Variants in PTPRM observed in about 807,000 individuals in gnomAD.
The protein encoded by PTPRM is protein tyrosine phosphatase receptor type M, also known as receptor-type tyrosine-protein phosphatase mu.
Under a neutral mutation model 186.7 loss-of-function variants are expected in PTPRM, and 47 were observed. The observed-to-expected ratio is 0.25, with a 90% CI of 0.20 to 0.32. PTPRM has a LOEUF of 0.32. PTPRM is among the 10% of genes least tolerant of loss of function. The pLI, the probability that PTPRM is intolerant of heterozygous loss-of-function variation, is 1.00. For synonymous variants in PTPRM, 668 were observed against 674.9 expected, an observed-to-expected ratio of 0.99 and a Z score of 0.16; for missense variants, 1,494 against 1,865.0, an observed-to-expected ratio of 0.80 and a Z score of 3.66.
chr18:7,845,856 T>C (rs1031965634), intron 2 of PTPRM, among the ~76,000 whole-genome samples: 3 of 151,968 alleles, frequency 2.0e-5, no homozygotes, highest in Non-Finnish European at 4.4e-5. Flanking sequence ...CTCTTAAGGG[T>C]TGCTCTTGGG....
intron 8 of PTPRM, among the ~76,000 whole-genome samples, chr18:8,075,653 G>A (rs1235414967): frequency 6.6e-6 from 1 of 151,950 alleles, no homozygotes; most frequent in Non-Finnish European, 1.5e-5. Flanking sequence ...TTATAAGAAG[G>A]TGTTATGTAT....
Position 8,376,136 on chromosome 18 carries a change from G to A in PTPRM, c.3262G>A (p.Gly1088Arg). The change falls in exon 25 of 33, where the codon GGA becomes AGA. Residue 1088 changes from glycine to arginine, a missense_variant. Coordinates refer to ENST00000580170, the MANE Select transcript of PTPRM (RefSeq NM_001105244.2). ...CCCCTACCATGCCACCGGCCTGCTG[G>A]GATTCGTGCGGCAAGTCAAGTCCAA... is the stretch of plus-strand genomic sequence containing the variant. ...GVPYHATGLL[G>R]FVRQVKSKSP... 6.2e-7 allele frequency: 1 copy of A among 1,613,954 alleles called. No homozygotes were observed. The highest frequency in any genetic ancestry group is 8.5e-7 in the Non-Finnish European group (1 of 1,180,022).
intron 14 of PTPRM, among the ~76,000 whole-genome samples, chr18:8,188,511 C>G (rs1224321247): frequency 6.6e-6 from 1 of 152,142 alleles, no homozygotes; most frequent in Non-Finnish European, 1.5e-5. Flanking sequence ...AATACTAGCC[C>G]CACACCGTGA....
rs1320770519 is a variant in PTPRM, at chr18:8,384,616, T to C, written c.3974T>C (p.Val1325Ala). The C allele has an allele frequency of 4.3e-6, 7 of 1,614,032 alleles. No individual in the cohort carries two copies. The highest frequency in any genetic ancestry group is 5.9e-6 in the Non-Finnish European group (7 of 1,179,980). ...GTACACAGACACGGCCCCATCCAGG[T>C]GGAATTTGTCTCTGCTGACCTGGAA... ...NGVHRHGPIQVEFVSADLEED... is the reference protein window; with the variant it reads ...NGVHRHGPIQAEFVSADLEED... The change falls in exon 30 of 33, where the codon GTG (valine) becomes GCG (alanine). Residue 1325 changes from valine (V) to alanine (A), a missense_variant. Physicochemically the swap from Val to Ala is moderately conservative, Grantham distance 64. This residue lies in a region of PTPRM where 1,107 missense variants were observed against 1,350.2 expected (regional missense o/e 0.82). Coordinates refer to ENST00000580170, the MANE Select transcript of PTPRM (RefSeq NM_001105244.2).
intron 2 of PTPRM, among the ~76,000 whole-genome samples, chr18:7,886,839 A>G (rs960720567): frequency 1.3e-5 from 2 of 152,222 alleles, no homozygotes; most frequent in Non-Finnish European, 2.9e-5. Context: ...TCGGTGAAGG[A>G]TATCTACATC....
intron 2 of PTPRM, among the ~76,000 whole-genome samples, chr18:7,853,368 A>T (rs1159477404): frequency 6.6e-6 from 1 of 152,186 alleles, no homozygotes; most frequent in Non-Finnish European, 1.5e-5. Flanking sequence ...TCCCTTTTGC[A>T]GGTGGAGTTG....
At chr18:8,338,925 T>C (rs901035895) in intron 22 of PTPRM, among the ~76,000 whole-genome samples, 2 of 152,170 alleles carry the variant, frequency 1.3e-5, no homozygotes, top group African/African-American at 4.8e-5. Context: ...GTACAAGTCA[T>C]CAAGGTTTGA....
intron 14 of PTPRM, among the ~76,000 whole-genome samples, chr18:8,167,870 A>G (rs1458114390): frequency 1.3e-5 from 2 of 152,192 alleles, no homozygotes; most frequent in East Asian, 3.9e-4. Flanking sequence ...TGATGCTGAG[A>G]TAAGTATTAT....
At chr18:7,885,414 T>C (rs2048734060) in intron 2 of PTPRM, among the ~76,000 whole-genome samples, 1 of 152,180 alleles carries the variant, frequency 6.6e-6, no homozygotes, top group Non-Finnish European at 1.5e-5. Context: ...TGAGGAAAGA[T>C]CCACTTCTGT....
At chr18:7,648,521 G>A (rs551243575) in intron 1 of PTPRM, among the ~76,000 whole-genome samples, 73 of 152,200 alleles carry the variant, frequency 4.8e-4, no homozygotes, top group Non-Finnish European at 9.8e-4. Flanking sequence ...CAGAGGAAAA[G>A]TTCTTGAAGG....
intron 1 of PTPRM, among the ~76,000 whole-genome samples, chr18:7,677,935 G>A (rs1313180269): frequency 6.6e-6 from 1 of 152,048 alleles, no homozygotes; most frequent in Admixed American, 6.6e-5. Flanking sequence ...TGCCCTAGGT[G>A]GAATGTTAGG....
chr18:7,992,960 A>T (rs572986709), intron 7 of PTPRM, among the ~76,000 whole-genome samples: 1 of 152,128 alleles, frequency 6.6e-6, no homozygotes, highest in South Asian at 2.1e-4. Context: ...ATCAAAGAAT[A>T]CATATTTACA....
At chr18:7,597,813 C>T (rs1257774793) in intron 1 of PTPRM, among the ~76,000 whole-genome samples, 6 of 152,158 alleles carry the variant, frequency 3.9e-5, no homozygotes, top group South Asian at 2.1e-4. Context: ...AGAAACCACA[C>T]TATTTGAAAG....
At chr18:8,011,791 T>G (rs145715607) in intron 7 of PTPRM, among the ~76,000 whole-genome samples, 12 of 152,342 alleles carry the variant, frequency 7.9e-5, no homozygotes, top group African/African-American at 2.6e-4. Flanking sequence ...GGTATCATGT[T>G]TATAACACAG....
intron 9 of PTPRM, among the ~76,000 whole-genome samples, chr18:8,078,924 A>G (rs1022170263): frequency 2.0e-5 from 3 of 152,208 alleles, no homozygotes; most frequent in Admixed American, 1.3e-4. Flanking sequence ...GGTTCTGCCC[A>G]CATGACCCAA....
intron 1 of PTPRM, among the ~76,000 whole-genome samples, chr18:7,712,166 C>G (rs1438539528): frequency 1.3e-5 from 2 of 152,160 alleles, no homozygotes; most frequent in African/African-American, 4.8e-5. Context: ...GAGGAAGAAA[C>G]AGGCAGCTAT....
chr18:8,199,730 A>G (rs1163993946), intron 14 of PTPRM, among the ~76,000 whole-genome samples: 1 of 152,148 alleles, frequency 6.6e-6, no homozygotes, highest in East Asian at 1.9e-4. Flanking sequence ...AAATCCTACA[A>G]ATTCTCCCTG....
intron 2 of PTPRM, among the ~76,000 whole-genome samples, chr18:7,875,571 G>A (rs1469693183): frequency 6.6e-6 from 1 of 152,062 alleles, no homozygotes; most frequent in Admixed American, 6.5e-5. Flanking sequence ...TGATCTGCCT[G>A]CCTCGACTTC....
Position 8,244,137 on chromosome 18 carries a change from A to G in PTPRM, c.2380A>G (p.Ser794Gly). Residue 794 changes from serine (S) to glycine (G), a missense_variant, in exon 15 of 33, where the codon AGC becomes GGC. Ser to Gly is a moderately conservative substitution (Grantham distance 56). Around this residue, in one of 3 missense-constraint regions of PTPRM, gnomAD observed 1,107 missense variants for 1,350.2 expected, o/e 0.82. Coordinates refer to ENST00000580170, the MANE Select transcript of PTPRM (RefSeq NM_001105244.2). ...MTVMVNSMDKSYAEQGTNCDE... is the reference protein window; with the variant it reads ...MTVMVNSMDKGYAEQGTNCDE... ...TGTGATGGTGAACTCAATGGACAAG[A>G]GCTATGCTGAGCAGGGCACAAACTG... 1 of 1,609,324 alleles carries G rather than the reference A, an allele frequency of 6.2e-7. No homozygotes were observed. The highest frequency in any genetic ancestry group is 1.3e-5 in the African/African-American group (1 of 74,716).
Sources: allele counts gnomAD v4.1 joint callset (sites outside exome capture counted in the v4.1 genomes callset), GRCh38; gene constraint gnomAD v4.1.1; regional missense constraint gnomAD v4.1.1; transcripts MANE v1.5; gene names NCBI Gene and HGNC (gene_info 2026-07-23, HGNC 2026-07-21).